TSPAN5: variants seen among roughly 807,000 people sequenced by gnomAD.
The protein encoded by TSPAN5 is tetraspanin 5.
In TSPAN5, 10 loss-of-function variants were observed where a neutral mutation model predicts 37.1. That is an observed-to-expected ratio of 0.27 (90% CI 0.17 to 0.46). The LOEUF (loss-of-function observed/expected upper bound fraction) is 0.46. TSPAN5 is among the 20% of genes least tolerant of loss of function. TSPAN5 has a pLI of 1.00. For synonymous variants in TSPAN5, 110 were observed against 118.9 expected, an observed-to-expected ratio of 0.93 and a Z score of 0.48; for missense variants, 195 against 326.6, an observed-to-expected ratio of 0.60 and a Z score of 3.11.
rs138725206 is a variant in TSPAN5, at chr4:98,575,031, G to GGCCAGAGCCAGAGCCAGA, written c.82-67321_82-67304dup. On this transcript the variant is annotated intron_variant, in intron 1 of 7. Coordinates refer to ENST00000305798, the MANE Select transcript of TSPAN5 (RefSeq NM_005723.4). Reference sequence around the variant, plus strand: ...GTAGGAGCTGAGAGGTGCAGACAAGGGCCAGAGCCAGAGCCAGAGCCAGCA... The same window carrying GGCCAGAGCCAGAGCCAGA: ...GTAGGAGCTGAGAGGTGCAGACAAGGGCCAGAGCCAGAGCCAGAGCCAGAGCCAGAGCCAGAGCCAGCA... The GGCCAGAGCCAGAGCCAGA allele has an allele frequency of 2.3e-4, 35 of 155,452 alleles. 1 individual carries two copies. The highest frequency in any genetic ancestry group is 2.0e-3 in the South Asian group (11 of 5,570). The allele number at this position is 155,452 out of a possible 1,614,324, so 9.6% of individuals were successfully genotyped here.
At chr4:98,626,945 G>A (rs1051396401) in intron 1 of TSPAN5, among the ~76,000 whole-genome samples, 3 of 126,078 alleles carry the variant, frequency 2.4e-5, no homozygotes, top group Non-Finnish European at 3.1e-5. Flanking sequence ...CATTTGGCAC[G>A]TAATAGACAT....
At chr4:98,589,264 C>T (rs749808671) in intron 1 of TSPAN5, among the ~76,000 whole-genome samples, 35 of 152,148 alleles carry the variant, frequency 2.3e-4, no homozygotes, top group Non-Finnish European at 3.2e-4. Context: ...AGCAAATTGG[C>T]GCAAACATAT....
chr4:98,620,363 A>G (rs554827375), intron 1 of TSPAN5, among the ~76,000 whole-genome samples: 19 of 152,262 alleles, frequency 1.2e-4, no homozygotes, highest in Admixed American at 5.2e-4. Context: ...CCCAGTCCAG[A>G]CAGCAGGCAT....
chr4:98,608,999 C>A (rs1224813513), intron 1 of TSPAN5, among the ~76,000 whole-genome samples: 3 of 152,190 alleles, frequency 2.0e-5, no homozygotes. Context: ...ATCATAAAAA[C>A]CAAACTTTAC....
chr4:98,635,792 A>G (rs1197062616), intron 1 of TSPAN5, among the ~76,000 whole-genome samples: 1 of 152,250 alleles, frequency 6.6e-6, no homozygotes, highest in Non-Finnish European at 1.5e-5. Context: ...GAAGAAAATT[A>G]GACAAATACT....
At chr4:98,564,175 A>G (rs1480683583) in intron 1 of TSPAN5, among the ~76,000 whole-genome samples, 1 of 152,204 alleles carries the variant, frequency 6.6e-6, no homozygotes, top group Non-Finnish European at 1.5e-5. Context: ...CTCCCAATCC[A>G]AATTACATGA....
intron 1 of TSPAN5, among the ~76,000 whole-genome samples, chr4:98,625,070 AG>A (rs1756569503): frequency 6.6e-6 from 1 of 152,228 alleles, no homozygotes; most frequent in Non-Finnish European, 1.5e-5. Flanking sequence ...TAGGAAAGGG[AG>A]GAGGAGAAAA....
intron 1 of TSPAN5, among the ~76,000 whole-genome samples, chr4:98,629,097 A>G (rs1226064688): frequency 3.3e-5 from 5 of 152,244 alleles, no homozygotes; most frequent in Non-Finnish European, 7.3e-5. Context: ...AATAAAAAGG[A>G]AAAAATGCTT....
chr4:98,510,514 T>C (rs1172992684), intron 1 of TSPAN5, among the ~76,000 whole-genome samples: 1 of 152,212 alleles, frequency 6.6e-6, no homozygotes, highest in Admixed American at 6.5e-5. Flanking sequence ...AATTCAATGG[T>C]GGGTCCACAT....
At chr4:98,592,869 G>C (rs1319818729) in intron 1 of TSPAN5, among the ~76,000 whole-genome samples, 1 of 149,222 alleles carries the variant, frequency 6.7e-6, no homozygotes, top group Non-Finnish European at 1.5e-5. Context: ...CCAAGACTTT[G>C]CTATTGTGAA....
At chr4:98,585,602 G>A (rs1007499367) in intron 1 of TSPAN5, among the ~76,000 whole-genome samples, 15 of 152,146 alleles carry the variant, frequency 9.9e-5, no homozygotes, top group East Asian at 3.9e-4. Flanking sequence ...GAGCCACTGC[G>A]CCCAGCCTAT....
At chr4:98,538,808 T>G (rs555013747) in intron 1 of TSPAN5, among the ~76,000 whole-genome samples, 2 of 152,384 alleles carry the variant, frequency 1.3e-5, no homozygotes, top group East Asian at 1.9e-4. Context: ...TGATTTTCAC[T>G]GATAAATTTC....
intron 5 of TSPAN5, among the ~76,000 whole-genome samples, chr4:98,477,684 T>C (rs565641420): frequency 3.8e-4 from 57 of 151,528 alleles, no homozygotes; most frequent in African/African-American, 1.3e-3. Flanking sequence ...TTTTTAAGAA[T>C]TGTGGTCTCA....
intron 1 of TSPAN5, among the ~76,000 whole-genome samples, chr4:98,520,942 G>T (rs1198671592): frequency 6.8e-6 from 1 of 148,004 alleles, no homozygotes; most frequent in Non-Finnish European, 1.5e-5. Flanking sequence ...TTGGGGGGCA[G>T]GGTGGGGGGG....
At chr4:98,509,517 C>T (rs1268474856) in intron 1 of TSPAN5, among the ~76,000 whole-genome samples, 1 of 152,180 alleles carries the variant, frequency 6.6e-6, no homozygotes, top group Non-Finnish European at 1.5e-5. Context: ...AGACAACACA[C>T]AATACATTCT....
intron 1 of TSPAN5, among the ~76,000 whole-genome samples, chr4:98,602,883 A>C (rs945314157): frequency 2.6e-5 from 4 of 152,222 alleles, no homozygotes; most frequent in African/African-American, 9.6e-5. Flanking sequence ...ACAGCAATGC[A>C]ATAAAGTGAA....
At chr4:98,620,856 G>A (rs535133795) in intron 1 of TSPAN5, among the ~76,000 whole-genome samples, 1 of 152,154 alleles carries the variant, frequency 6.6e-6, no homozygotes, top group Admixed American at 6.5e-5. Flanking sequence ...AGTCCCTGGA[G>A]GGGTTGTCTA....
rs113535403 is a variant in TSPAN5, at chr4:98,516,903, T to C, written c.82-9175A>G. On this transcript the variant is annotated intron_variant, in intron 1 of 7. Coordinates refer to ENST00000305798, the MANE Select transcript of TSPAN5 (RefSeq NM_005723.4). ...CCCCTTTGTGCATCTCACCATGTTA[T>C]GATGCAGCATGGAAGCCCTTGCCAG... Among the ~76,000 whole-genome samples, 196 of 152,314 alleles carry C rather than the reference T, an allele frequency of 1.3e-3. 2 individuals are homozygous for C. The highest frequency in any genetic ancestry group is 4.4e-3 in the African/African-American group (185 of 41,580).
intron 1 of TSPAN5, among the ~76,000 whole-genome samples, chr4:98,537,282 C>T (rs895102648): frequency 6.6e-6 from 1 of 152,186 alleles, no homozygotes; most frequent in Non-Finnish European, 1.5e-5. Context: ...GGTGAGGTGA[C>T]GCCCCACCCT....
Sources: gnomAD v4.1 joint callset for allele counts (sites outside exome capture counted in the v4.1 genomes callset) on GRCh38, gnomAD v4.1.1 for gene constraint, MANE v1.5 for transcripts, NCBI Gene and HGNC (gene_info 2026-07-23, HGNC 2026-07-21) for gene names.